CDKL1: variants seen among roughly 807,000 people sequenced by gnomAD.
CDKL1 encodes the protein cyclin-dependent kinase-like 1.
CDKL1 carries 41 observed loss-of-function variants against 42.0 expected under a neutral mutation model. The observed-to-expected ratio is 0.98, with a 90% CI of 0.76 to 1.27. CDKL1 has a LOEUF of 1.27. CDKL1 is among the 50% of genes most tolerant of loss of function. CDKL1 has a pLI of 0.00. For synonymous variants in CDKL1, 153 were observed against 158.6 expected, an observed-to-expected ratio of 0.96 and a Z score of 0.26; for missense variants, 394 against 428.4, an observed-to-expected ratio of 0.92 and a Z score of 0.71.
chr14:50,390,087 A>T (rs1439990622), intron 2 of CDKL1: 2 of 1,110,022 alleles, frequency 1.8e-6, no homozygotes, highest in Admixed American at 3.8e-5. Context: ...TAACAATGAT[A>T]CTTGGCAGTT....
At chr14:50,379,477 G>A (rs1264801898) in intron 2 of CDKL1, among the ~76,000 whole-genome samples, 11 of 152,090 alleles carry the variant, frequency 7.2e-5, no homozygotes, top group Non-Finnish European at 1.3e-4. Flanking sequence ...ATGCTACCAC[G>A]GAACTAGGCT....
chr14:50,392,143 C>T (rs67560971), intron 2 of CDKL1, among the ~76,000 whole-genome samples: 28,924 of 152,132 alleles, frequency 0.19, 2,964 homozygotes, highest in African/African-American at 0.24. Context: ...ATCTTCTTCA[C>T]TAAGCTTTTA....
chr14:50,397,130 A>C (rs570671497), upstream of CDKL1: 9 of 1,365,600 alleles, frequency 6.6e-6, no homozygotes, highest in African/African-American at 2.9e-5. Context: ...TGCAAAGCGC[A>C]GCTGTAACCG....
At chr14:50,333,910 T>A (rs972156609) in intron 8 of CDKL1, 3 of 150,688 alleles carry the variant, frequency 2.0e-5, no homozygotes, top group Non-Finnish European at 1.5e-5. Context: ...TAAATATATA[T>A]ATCAAGTTTT....
chr14:50,376,250 A>G (rs1233817020), intron 2 of CDKL1: 3 of 387,736 alleles, frequency 7.7e-6, no homozygotes, highest in Non-Finnish European at 1.6e-5. Flanking sequence ...GGTATATGGG[A>G]ACTCTACTAT....
chr14:50,354,899 C>A (rs1008068451), intron 3 of CDKL1, among the ~76,000 whole-genome samples: 2 of 151,894 alleles, frequency 1.3e-5, no homozygotes, highest in Non-Finnish European at 2.9e-5. Context: ...TAAAACATTA[C>A]TATAATAATA....
Position 50,328,890 on chromosome 14 carries a change from G to T in CDKL1, c.*1184C>A, listed in dbSNP as rs1192834515. 2 of 148,762 alleles carry T rather than the reference G, an allele frequency of 1.3e-5. No individual in the cohort carries two copies. The highest frequency in any genetic ancestry group is 2.5e-5 in the African/African-American group (1 of 40,146). The allele number at this position is 148,762 out of a possible 1,614,324, so 9.2% of individuals were successfully genotyped here. A position where few individuals can be genotyped will look rare whatever the true frequency, so the allele number is the denominator to read the frequency against. On this transcript the variant is annotated 3_prime_UTR_variant, in exon 10 of 10. Transcript: ENST00000395834. ...GCCTGCAGTCCCAGCTACTTGGGAGGCTGAGGTGGCAGGTTTTATATATAT... is the reference window on the plus strand; with the variant it reads ...GCCTGCAGTCCCAGCTACTTGGGAGTCTGAGGTGGCAGGTTTTATATATAT...
chr14:50,332,006 A>C (rs774461477), intron 9 of CDKL1: 1 of 1,531,950 alleles, frequency 6.5e-7, no homozygotes, highest in South Asian at 1.2e-5. Context: ...CCTTGTTGAG[A>C]CCTGTGCTCA....
intron 2 of CDKL1, among the ~76,000 whole-genome samples, chr14:50,389,510 T>C (rs2035189762): frequency 6.6e-6 from 1 of 152,150 alleles, no homozygotes; most frequent in African/African-American, 2.4e-5. Flanking sequence ...AGAACCAATT[T>C]TCACCCTTTA....
In CDKL1 at chr14:50,326,559, T is replaced by C. The variant is rs1230367757; in HGVS notation, c.*3515A>G. 7.1e-6 allele frequency: 7 copies of C among 985,354 alleles called. No individual in the cohort carries two copies. The highest frequency in any genetic ancestry group is 8.4e-6 in the Non-Finnish European group (7 of 829,950). 61.0% of individuals were successfully genotyped at this position (985,354 alleles called of 1,614,324 possible). On this transcript the variant is annotated 3_prime_UTR_variant, in exon 10 of 10. Transcript: ENST00000395834. ...CCCATGATCCTGCATTCTTGTGTTC[T>C]TGATAGCATACAGACTTACTCAGAA...
At chr14:50,375,123 C>A (rs1325540902) in intron 2 of CDKL1, among the ~76,000 whole-genome samples, 2 of 152,064 alleles carry the variant, frequency 1.3e-5, no homozygotes, top group Non-Finnish European at 2.9e-5. Flanking sequence ...AAGAAATACC[C>A]AATTCTAGAA....
At chr14:50,362,506 C>T in intron 2 of CDKL1, 1 of 189,798 alleles carries the variant, frequency 5.3e-6, no homozygotes, top group Non-Finnish European at 1.1e-5. Flanking sequence ...CCAACTGGCA[C>T]TCTGTAACTA....
In CDKL1 at chr14:50,346,470, T is replaced by A. The variant is rs77781871; in HGVS notation, c.291-1412A>T. Among the ~76,000 whole-genome samples the A allele has an allele frequency of 6.8e-3, 1,042 of 152,156 alleles. 19 individuals carry two copies. Among genetic ancestry groups the A allele is most frequent in the African/African-American group, 0.023 (947 of 41,478 alleles). The stretch of plus-strand genomic sequence containing the variant: ...TTTCCCCAGCCTCCACTTTTAATTT[T>A]TTTTTTTTAGGGTCAGGGTCTTGCT... On this transcript the variant is annotated intron_variant, in intron 3 of 9. Coordinates refer to ENST00000395834, the MANE Select transcript of CDKL1 (RefSeq NM_004196.7).
intron 2 of CDKL1, among the ~76,000 whole-genome samples, chr14:50,383,411 A>C (rs1270018651): frequency 6.6e-6 from 1 of 151,928 alleles, no homozygotes; most frequent in African/African-American, 2.4e-5. Flanking sequence ...TTAGCTGGAC[A>C]TGGTGACGTG....
intron 4 of CDKL1, 50 bp downstream of exon 4, chr14:50,344,936 T>C: frequency 6.8e-7 from 1 of 1,463,906 alleles, no homozygotes; most frequent in Non-Finnish European, 9.5e-7. Flanking sequence ...AGGCTCCACC[T>C]CAGCTTAAGG....
intron 2 of CDKL1, among the ~76,000 whole-genome samples, chr14:50,371,936 C>T (rs146487478): frequency 1.5e-4 from 23 of 152,208 alleles, no homozygotes; most frequent in East Asian, 1.9e-4. Flanking sequence ...GCCAGGTGTG[C>T]GCATGCTCAG....
intron 3 of CDKL1, among the ~76,000 whole-genome samples, chr14:50,349,757 GTTGTTGT>G (rs1205517061): frequency 1.3e-5 from 2 of 151,852 alleles, no homozygotes; most frequent in African/African-American, 4.8e-5. Context: ...TGTTGTTGTT[GTTGTTGT>G]TTGTTTTTTG....
intron 2 of CDKL1, among the ~76,000 whole-genome samples, chr14:50,392,661 A>G (rs2035293548): frequency 6.6e-6 from 1 of 151,868 alleles, no homozygotes; most frequent in Non-Finnish European, 1.5e-5. Flanking sequence ...CCACAGCTTT[A>G]AATACCATCG....
rs910948066 is a variant in CDKL1, at chr14:50,328,841, A to C, written c.*1233T>G. On this transcript the variant is annotated 3_prime_UTR_variant, in exon 10 of 10. Transcript: ENST00000395834. Reference sequence around the variant, plus strand: ...CCTGCCTCTACCAAAAAATACAAAAAAATTAGCCAGTATAGTGGCACATGC... The same window carrying C: ...CCTGCCTCTACCAAAAAATACAAAACAATTAGCCAGTATAGTGGCACATGC... 1.3e-4 allele frequency: 19 copies of C among 151,864 alleles called. No individual in the cohort carries two copies. Among genetic ancestry groups the C allele is most frequent in the African/African-American group, 4.6e-4 (19 of 41,342 alleles). 9.4% of individuals were successfully genotyped at this position (151,864 alleles called of 1,614,324 possible). A position where few individuals can be genotyped will look rare whatever the true frequency, so the allele number is the denominator to read the frequency against.
Sources: gnomAD v4.1 joint callset for allele counts (sites outside exome capture counted in the v4.1 genomes callset) on GRCh38, gnomAD v4.1.1 for gene constraint, MANE v1.5 for transcripts, NCBI Gene and HGNC (gene_info 2026-07-23, HGNC 2026-07-21) for gene names.